HAGH: variants seen among roughly 807,000 people sequenced by gnomAD.
HAGH encodes the protein hydroxyacylglutathione hydrolase.
HAGH carries 29 observed loss-of-function variants against 35.1 expected under a neutral mutation model. That is an observed-to-expected ratio of 0.83 (90% CI 0.62 to 1.13). The LOEUF (loss-of-function observed/expected upper bound fraction) is 1.13. Ranked by LOEUF, HAGH falls within the 50% of genes most tolerant of loss-of-function variation. HAGH has a pLI of 0.00. For synonymous variants in HAGH, 225 were observed against 176.1 expected, an observed-to-expected ratio of 1.28 and a Z score of -2.20; for missense variants, 478 against 419.6, an observed-to-expected ratio of 1.14 and a Z score of -1.22.
At chr16:1,809,951 C>T in intron 7 of HAGH, 118 bp from the exon 8 acceptor site, 1 of 740,260 alleles carries the variant, frequency 1.4e-6, no homozygotes, top group South Asian at 1.5e-5. Flanking sequence ...ATCACTTGAG[C>T]CCTGGAGTTT....
At chr16:1,825,869 T>C (rs1473862183) in intron 1 of HAGH, among the ~76,000 whole-genome samples, 1 of 152,202 alleles carries the variant, frequency 6.6e-6, no homozygotes, top group Admixed American at 6.5e-5. Context: ...TCACTGCACT[T>C]CTTTTTTAAA....
At chr16:1,820,880 C>G (rs1482470295) in intron 3 of HAGH, among the ~76,000 whole-genome samples, 1 of 152,200 alleles carries the variant, frequency 6.6e-6, no homozygotes, top group East Asian at 1.9e-4. Context: ...GTGAGCAAAC[C>G]CCACCCCGCT....
chr16:1,827,139 C>T, upstream of HAGH: 3 of 1,479,618 alleles, frequency 2.0e-6, no homozygotes, highest in Non-Finnish European at 2.7e-6. Context: ...GCCGTCGCTG[C>T]GGGGGACAGC....
intron 7 of HAGH, among the ~76,000 whole-genome samples, chr16:1,816,076 G>T (rs1016240691): frequency 6.7e-6 from 1 of 148,280 alleles, no homozygotes; most frequent in African/African-American, 2.5e-5. Context: ...GAGTAGTTGG[G>T]ATTACAAGCG....
intron 2 of HAGH, 77 bp downstream of exon 2, chr16:1,822,788 G>T: frequency 2.4e-6 from 3 of 1,243,910 alleles, no homozygotes; most frequent in Non-Finnish European, 3.5e-6. Flanking sequence ...AGGACACTGC[G>T]GTTAGGAAAC....
In HAGH at chr16:1,809,330, G is replaced by T. The variant is rs749337193; in HGVS notation, c.880C>A (p.Arg294=). 3.2e-5 allele frequency: 52 copies of T among 1,613,450 alleles called. No individual in the cohort carries two copies. Among genetic ancestry groups the T allele is most frequent in the Non-Finnish European group, 4.1e-5 (48 of 1,179,838 alleles). ...AGETDPVTTM[R]AVRREKDQFK... ...TGGTCCTTCTCCCTGCGCACGGCCC[G>T]CATGGTGGTCACCGGGTCCGTCTCA... Residue 294 remains arginine (R), a synonymous_variant, in exon 9 of 9, where the codon CGG becomes AGG. Coordinates refer to ENST00000397356, the MANE Select transcript of HAGH (RefSeq NM_005326.6).
chr16:1,822,193 C>T lies in HAGH; in HGVS notation c.314+107G>A, dbSNP rs145975102. ...CAGAAGTCTGCTGGGGGCTTGTCCT[C>T]ACAAAGCAGACAGAGCCGTGGGGGG... On this transcript the variant is annotated intron_variant, in intron 3 of 8. Coordinates refer to ENST00000397356, the MANE Select transcript of HAGH (RefSeq NM_005326.6). 6.8e-4 allele frequency: 505 copies of T among 746,102 alleles called. 3 individuals carry two copies. In the African/African-American group the frequency reaches 7.6e-3, roughly 11 times the overall value. The allele number at this position is 746,102 out of a possible 1,614,324, so 46.2% of individuals were successfully genotyped here. A position where few individuals can be genotyped will look rare whatever the true frequency, so the allele number is the denominator to read the frequency against.
intron 7 of HAGH, chr16:1,811,001 A>T (rs1186897959): frequency 6.6e-6 from 1 of 152,262 alleles, no homozygotes; most frequent in Non-Finnish European, 1.5e-5. Context: ...TAACACTTCT[A>T]AGGAGACCTT....
At chr16:1,824,312 G>A (rs1480935349) in intron 1 of HAGH, among the ~76,000 whole-genome samples, 2 of 140,894 alleles carry the variant, frequency 1.4e-5, no homozygotes, top group East Asian at 2.3e-4. Flanking sequence ...GAGACGGAAA[G>A]TTGGCCACAA....
In HAGH at chr16:1,807,943, G is replaced by A. The variant is rs1469538043; in HGVS notation, c.*1340C>T. Reference sequence around the variant, plus strand: ...CCGCTCTGCCCCTCCACTCAGAAGAGTCTGTCTATAGGACCAGGTGGCAGA... The same window carrying A: ...CCGCTCTGCCCCTCCACTCAGAAGAATCTGTCTATAGGACCAGGTGGCAGA... On this transcript the variant is annotated 3_prime_UTR_variant, in exon 9 of 9. Coordinates refer to ENST00000397356, the MANE Select transcript of HAGH (RefSeq NM_005326.6). The A allele has an allele frequency of 6.6e-6, 1 of 152,258 alleles. No individual in the cohort carries two copies. The highest frequency in any genetic ancestry group is 1.5e-5 in the Non-Finnish European group (1 of 68,092). The allele number at this position is 152,258 out of a possible 1,614,324, so 9.4% of individuals were successfully genotyped here. A position where few individuals can be genotyped will look rare whatever the true frequency, so the allele number is the denominator to read the frequency against.
In HAGH at chr16:1,808,549, C is replaced by T. The variant is rs1288727833; in HGVS notation, c.*734G>A. ...TCTCCTGACCTCGTGATCCACCCGC[C>T]TCGGCCTCCCAAAGTGCTGGGATCA... On this transcript the variant is annotated 3_prime_UTR_variant, in exon 9 of 9. Transcript: ENST00000397356. 6.6e-6 allele frequency: 1 copy of T among 152,348 alleles called. No individual in the cohort carries two copies. Among genetic ancestry groups the T allele is most frequent in the East Asian group, 1.9e-4 (1 of 5,200 alleles). The allele number at this position is 152,348 out of a possible 1,614,324, so 9.4% of individuals were successfully genotyped here.
chr16:1,826,937 C>G, upstream of HAGH: 2 of 651,080 alleles, frequency 3.1e-6, no homozygotes, highest in Non-Finnish European at 4.8e-6. Context: ...CGCTCGCGCT[C>G]AACTTGTTTT....
chr16:1,820,987 G>A (rs561137133), intron 3 of HAGH, among the ~76,000 whole-genome samples: 21 of 152,274 alleles, frequency 1.4e-4, no homozygotes, highest in South Asian at 8.3e-4. Context: ...AGACGTCTGC[G>A]GCGAGGCCGG....
intron 7 of HAGH, among the ~76,000 whole-genome samples, chr16:1,813,345 G>A (rs1897749499): frequency 6.6e-6 from 1 of 152,128 alleles, no homozygotes; most frequent in South Asian, 2.1e-4. Flanking sequence ...AGGCCATGCT[G>A]CTTATATAGC....
At chr16:1,822,478 A>G (rs238679) in intron 2 of HAGH, 114 bp from the exon 3 acceptor site, 634,437 of 817,314 alleles carry the variant, frequency 0.78, 247,454 homozygotes, top group Admixed American at 0.87. Context: ...GGCCGCTGAC[A>G]TGGCCCGTCC....
chr16:1,822,619 G>A (rs561780124), intron 2 of HAGH, among the ~76,000 whole-genome samples: 1 of 152,306 alleles, frequency 6.6e-6, no homozygotes, highest in South Asian at 2.1e-4. Context: ...CACCCCCAGA[G>A]GCAGCATGCA....
In HAGH at chr16:1,822,964, C is replaced by T; in HGVS notation, c.150G>A (p.Lys50=). The T allele has an allele frequency of 6.2e-7, 1 of 1,613,606 alleles. No homozygotes were observed. The highest frequency in any genetic ancestry group is 8.5e-7 in the Non-Finnish European group (1 of 1,179,618). ...KNLTVDEGTM[K]VEVLPALTDN... ...CGGTCAGGGCAGGCAGCACCTCTACCTTCATGGTGCCCTCGTCCACGGTCA... is the reference window on the plus strand; with the variant it reads ...CGGTCAGGGCAGGCAGCACCTCTACTTTCATGGTGCCCTCGTCCACGGTCA... Residue 50 remains lysine (K), a synonymous_variant, in exon 2 of 9, where the codon AAG becomes AAA. Coordinates refer to ENST00000397356, the MANE Select transcript of HAGH (RefSeq NM_005326.6).
At position 1,817,105 on chromosome 16, in the gene HAGH, G is replaced by A; in HGVS notation, c.645+63C>T. On this transcript the variant is annotated intron_variant, in intron 6 of 8. Coordinates refer to ENST00000397356, the MANE Select transcript of HAGH (RefSeq NM_005326.6). ...GTGTCCGGTGAGAGGGTGCCAGGAG[G>A]GAGAGCAGCCCCGCCCTGGTTAAGG... The A allele has an allele frequency of 3.7e-6, 5 of 1,354,174 alleles. No homozygotes were observed. In the East Asian group the frequency reaches 1.1e-4, roughly 31 times the overall value. The allele number at this position is 1,354,174 out of a possible 1,614,324, so 83.9% of individuals were successfully genotyped here.
chr16:1,816,203 C>CAA (rs529469453), intron 7 of HAGH, among the ~76,000 whole-genome samples: 2 of 94,068 alleles, frequency 2.1e-5, no homozygotes, highest in African/African-American at 8.2e-5. Context: ...GACTCCGTCT[C>CAA]AAAAAAAAAT....
Sources: allele counts gnomAD v4.1 joint callset (sites outside exome capture counted in the v4.1 genomes callset), GRCh38; gene constraint gnomAD v4.1.1; transcripts MANE v1.5; gene names NCBI Gene and HGNC (gene_info 2026-07-23, HGNC 2026-07-21).